The following CNTLN variants were observed in gnomAD, a reference collection of about 807,000 sequenced individuals.
The protein encoded by CNTLN is centlein, centrosomal protein.
In CNTLN, 212 loss-of-function variants were observed where a neutral mutation model predicts 180.0. That is an observed-to-expected ratio of 1.18 (90% confidence interval 1.05 to 1.32). The LOEUF is 1.32. Among genes scored for constraint, CNTLN ranks in the 40% most tolerant of loss-of-function variants. The probability of loss-of-function intolerance (pLI) is 0.00; values close to 1 mark genes in which losing one functional copy is unlikely to be tolerated. For missense variants in CNTLN, 2,095 were observed against 1,610.9 expected, an observed-to-expected ratio of 1.30 and a Z score of -5.14; for synonymous variants, 722 against 563.1, an observed-to-expected ratio of 1.28 and a Z score of -3.99.
In CNTLN at chr9:17,340,835, A is replaced by G. The variant is rs1301408968; in HGVS notation, c.1653A>G (p.Glu551=). ...TTTTTTGTGTTCTACAGAGCCAAGA[A>G]AATGATGAGCTAAGAGATGCCCATG... The part of the protein sequence containing the change: ...LEKALQLKSQ[E]NDELRDAHEK... Residue 551 remains glutamate, a synonymous_variant, in exon 11 of 26, where the codon GAA becomes GAG. Coordinates refer to ENST00000380647, the MANE Select transcript of CNTLN (RefSeq NM_017738.4). 5.6e-6 allele frequency: 9 copies of G among 1,610,310 alleles called. No individual in the cohort carries two copies. Among genetic ancestry groups the G allele is most frequent in the Non-Finnish European group, 7.6e-6 (9 of 1,178,186 alleles).
At chr9:17,286,610 T>G (rs1828996892) in intron 6 of CNTLN, among the ~76,000 whole-genome samples, 1 of 137,084 alleles carries the variant, frequency 7.3e-6, no homozygotes, top group African/African-American at 3.0e-5. Context: ...ATGGCCATTT[T>G]CACGATATTG....
At chr9:17,149,738 C>T (rs1390467650) in intron 2 of CNTLN, among the ~76,000 whole-genome samples, 2 of 151,940 alleles carry the variant, frequency 1.3e-5, no homozygotes, top group Non-Finnish European at 2.9e-5. Context: ...AGGATGGTCT[C>T]GATCTCCTGA....
chr9:17,382,678 A>G (rs915740510), intron 13 of CNTLN, among the ~76,000 whole-genome samples: 1 of 152,204 alleles, frequency 6.6e-6, no homozygotes, highest in South Asian at 2.1e-4. Context: ...AAATAAAGGA[A>G]GGTCAGACTG....
At position 17,235,762 on chromosome 9, in the gene CNTLN, G is replaced by T. The variant is rs768956416; in HGVS notation, c.639G>T (p.Lys213Asn). 40 of 1,602,696 alleles carry T rather than the reference G, an allele frequency of 2.5e-5. No individual in the cohort carries two copies. The highest frequency in any genetic ancestry group is 1.4e-5 in the African/African-American group (1 of 73,960). Reference sequence around the variant, plus strand: ...GGAAAGAATTCAGTGACTTGGAGAAGAAATTTAAAGATAAAAGTCAAGAAA... The same window carrying T: ...GGAAAGAATTCAGTGACTTGGAGAATAAATTTAAAGATAAAAGTCAAGAAA... ...FLRKEFSDLE[K>N]KFKDKSQEIK... The change falls in exon 4 of 26, where the codon AAG (lysine) becomes AAT (asparagine). Residue 213 changes from lysine to asparagine, a missense_variant. Coordinates refer to ENST00000380647, the MANE Select transcript of CNTLN (RefSeq NM_017738.4).
chr9:17,415,546 A>G (rs1232014831), intron 16 of CNTLN, among the ~76,000 whole-genome samples: 1 of 152,108 alleles, frequency 6.6e-6, no homozygotes, highest in African/African-American at 2.4e-5. Flanking sequence ...ATAGAATTTT[A>G]TCATCTAGAG....
At chr9:17,244,889 C>T (rs985769474) in intron 5 of CNTLN, among the ~76,000 whole-genome samples, 17 of 152,170 alleles carry the variant, frequency 1.1e-4, no homozygotes, top group African/African-American at 3.9e-4. Flanking sequence ...CATCTTAACA[C>T]TGATTGCATA....
chr9:17,258,502 C>T (rs1826689589), intron 5 of CNTLN, among the ~76,000 whole-genome samples: 1 of 151,170 alleles, frequency 6.6e-6, no homozygotes, highest in Admixed American at 6.6e-5. Flanking sequence ...TAGTTTTTTC[C>T]AATTCTGTGA....
chr9:17,352,411 TATATA>T (rs1295358195), intron 12 of CNTLN, among the ~76,000 whole-genome samples: 109 of 32,378 alleles, frequency 3.4e-3, no homozygotes, highest in Non-Finnish European at 4.9e-3. Context: ...TATATATATA[TATATA>T]TTTTTTTTTT....
intron 2 of CNTLN, among the ~76,000 whole-genome samples, chr9:17,184,435 A>G (rs116441772): frequency 2.9e-3 from 441 of 151,070 alleles, no homozygotes; most frequent in African/African-American, 0.01. Context: ...AGCTATTTCA[A>G]AATCATACGT....
At chr9:17,244,515 G>A (rs758822639) in intron 5 of CNTLN, among the ~76,000 whole-genome samples, 2 of 152,098 alleles carry the variant, frequency 1.3e-5, no homozygotes, top group Non-Finnish European at 2.9e-5. Flanking sequence ...ACCATGCCTG[G>A]TCCCCTGAAG....
At chr9:17,225,503 T>G (rs1156721675) in intron 2 of CNTLN, among the ~76,000 whole-genome samples, 1 of 152,082 alleles carries the variant, frequency 6.6e-6, no homozygotes, top group East Asian at 1.9e-4. Flanking sequence ...TGTAAATCAG[T>G]GTCCAATCAA....
At chr9:17,333,209 C>A (rs1189811663) in intron 10 of CNTLN, among the ~76,000 whole-genome samples, 2 of 151,988 alleles carry the variant, frequency 1.3e-5, no homozygotes, top group Non-Finnish European at 2.9e-5. Context: ...TGTCTCAGAA[C>A]ATGTGACATT....
chr9:17,457,834 A>G (rs1010720541), intron 19 of CNTLN, 119 bp downstream of exon 19: 1 of 594,530 alleles, frequency 1.7e-6, no homozygotes, highest in Non-Finnish European at 2.5e-6. Flanking sequence ...TAATCCAAAA[A>G]ATTATTAATA....
At chr9:17,378,311 C>G (rs1355969856) in intron 13 of CNTLN, among the ~76,000 whole-genome samples, 1 of 152,162 alleles carries the variant, frequency 6.6e-6, no homozygotes, top group African/African-American at 2.4e-5. Flanking sequence ...TCCCACGTAG[C>G]TAGGATTACA....
chr9:17,402,670 A>C lies in CNTLN; in HGVS notation c.2616-6623A>C, dbSNP rs150572497. Among the ~76,000 whole-genome samples the C allele has an allele frequency of 5.3e-5, 8 of 151,972 alleles. 1 individual carries two copies. Among genetic ancestry groups the C allele is most frequent in the African/African-American group, 1.7e-4 (7 of 41,288 alleles). Reference sequence around the variant, plus strand: ...ATAAAGAATGGCCTCTGTGAGCAAGAGGGAATTCTCCAGAAAATTGCCTTC... The same window carrying C: ...ATAAAGAATGGCCTCTGTGAGCAAGCGGGAATTCTCCAGAAAATTGCCTTC... On this transcript the variant is annotated intron_variant, in intron 15 of 25. Transcript: ENST00000380647.
At chr9:17,403,822 C>T (rs1381949707) in intron 15 of CNTLN, among the ~76,000 whole-genome samples, 1 of 151,720 alleles carries the variant, frequency 6.6e-6, no homozygotes, top group Non-Finnish European at 1.5e-5. Context: ...GTTGCCCAGA[C>T]TGGAGTGCAG....
chr9:17,471,395 G>A (rs1294680532), intron 23 of CNTLN, among the ~76,000 whole-genome samples: 1 of 151,990 alleles, frequency 6.6e-6, no homozygotes, highest in African/African-American at 2.4e-5. Context: ...AACATTATTG[G>A]TGGCTGGTTA....
rs1819238664 is a variant in CNTLN, at chr9:17,312,369, T to TATATATATATATATATATA, written c.1341+3132_1341+3133insTATAATATATATATATATA. Among the ~76,000 whole-genome samples the TATATATATATATATATATA allele has an allele frequency of 1.7e-4, 6 of 34,404 alleles. 1 individual carries two copies. The highest frequency in any genetic ancestry group is 5.2e-4 in the South Asian group (1 of 1,936). 22.6% of individuals were successfully genotyped at this position (34,404 alleles called of 152,430 possible). The stretch of plus-strand genomic sequence containing the variant: ...TATATATATATATATATATATTATA[T>TATATATATATATATATATA]ATATATATATATATAATTTATTTAT... On this transcript the variant is annotated intron_variant, in intron 8 of 25. Transcript: ENST00000380647.
intron 5 of CNTLN, among the ~76,000 whole-genome samples, chr9:17,246,724 C>T (rs1436613536): frequency 2.6e-5 from 4 of 152,154 alleles, no homozygotes; most frequent in African/African-American, 7.2e-5. Context: ...GTCCTCTATT[C>T]CATTATGGTT....
Sources: allele counts gnomAD v4.1 joint callset (sites outside exome capture counted in the v4.1 genomes callset), GRCh38; gene constraint gnomAD v4.1.1; transcripts MANE v1.5; gene names NCBI Gene and HGNC (gene_info 2026-07-23, HGNC 2026-07-21).